Variants in ARMC3 observed in about 807,000 individuals in gnomAD.
The protein encoded by ARMC3 is armadillo repeat-containing protein 3.
ARMC3 carries 74 observed loss-of-function variants against 90.3 expected under a neutral mutation model. That is an observed-to-expected ratio of 0.82 (90% CI 0.68 to 0.99). The LOEUF is 0.99. Among genes scored for constraint, ARMC3 ranks in the 50% least tolerant of loss-of-function variants. The pLI is 0.00. For missense variants in ARMC3, 958 were observed against 1,042.8 expected, an observed-to-expected ratio of 0.92 and a Z score of 1.12; for synonymous variants, 334 against 361.8, an observed-to-expected ratio of 0.92 and a Z score of 0.87.
intron 8 of ARMC3, among the ~76,000 whole-genome samples, chr10:22,975,151 A>G (rs1835863194): frequency 1.3e-5 from 2 of 152,204 alleles, no homozygotes; most frequent in Admixed American, 6.5e-5. Flanking sequence ...TCCAATAGTG[A>G]TATGCTTTGA....
intron 2 of ARMC3, among the ~76,000 whole-genome samples, chr10:22,945,171 T>C (rs554650386): frequency 1.4e-4 from 22 of 152,358 alleles, no homozygotes; most frequent in Admixed American, 3.9e-4. Context: ...TCATGTTTCC[T>C]TGGAGTAATC....
At chr10:22,956,842 C>A (rs1355236407) in intron 4 of ARMC3, among the ~76,000 whole-genome samples, 3 of 148,860 alleles carry the variant, frequency 2.0e-5, no homozygotes. Flanking sequence ...GTATTAGTAT[C>A]ATATAATATG....
intron 7 of ARMC3, among the ~76,000 whole-genome samples, chr10:22,965,110 A>G (rs1014471011): frequency 5.3e-5 from 8 of 152,272 alleles, no homozygotes; most frequent in Admixed American, 3.9e-4. Flanking sequence ...ATCTATCAAT[A>G]TTTAGTATTT....
intron 3 of ARMC3, among the ~76,000 whole-genome samples, chr10:22,948,104 A>G (rs1459768748): frequency 6.6e-6 from 1 of 152,220 alleles, no homozygotes; most frequent in Non-Finnish European, 1.5e-5. Context: ...TGAGAGAACA[A>G]CAAATCATTC....
intron 15 of ARMC3, 108 bp downstream of exon 15, chr10:23,008,482 T>C (rs1837744294): frequency 8.6e-6 from 6 of 694,882 alleles, no homozygotes; most frequent in South Asian, 5.2e-5. Flanking sequence ...ATTCTTCTTA[T>C]GGTAATACAA....
chr10:22,964,737 G>A (rs559781101), intron 7 of ARMC3, among the ~76,000 whole-genome samples: 3 of 151,028 alleles, frequency 2.0e-5, no homozygotes, highest in South Asian at 2.1e-4. Flanking sequence ...CACTGCACCC[G>A]GCCCCCCGTA....
At chr10:22,964,663 A>G (rs1162122686) in intron 7 of ARMC3, among the ~76,000 whole-genome samples, 5 of 147,730 alleles carry the variant, frequency 3.4e-5, no homozygotes, top group Admixed American at 6.7e-5. Context: ...CTAGTCTCGA[A>G]CTCCTGACCT....
At chr10:22,937,194 C>T (rs926235533) in intron 2 of ARMC3, among the ~76,000 whole-genome samples, 2 of 152,190 alleles carry the variant, frequency 1.3e-5, no homozygotes, top group African/African-American at 4.8e-5. Flanking sequence ...TGACTCACTG[C>T]ACCTGGTCTT....
At chr10:22,967,598 A>G (rs1835496931) in intron 7 of ARMC3, among the ~76,000 whole-genome samples, 2 of 152,150 alleles carry the variant, frequency 1.3e-5, no homozygotes, top group Non-Finnish European at 2.9e-5. Flanking sequence ...ATTCTGGACA[A>G]CCTTGCCAAA....
Position 23,037,377 on chromosome 10 carries a change from G to A in ARMC3, c.2517G>A (p.Gly839=). ...ATGACTCTCGGAAGGGAGTGATTGG[G>A]GGCCTCCCCGCTCCTGAGATGTACG... is the stretch of plus-strand genomic sequence containing the variant. ...LQNDSRKGVI[G]GLPAPEMYVI... The change falls in exon 19 of 19, where the codon GGG becomes GGA. Residue 839 remains glycine (G), a synonymous_variant. Transcript: ENST00000298032. The A allele has an allele frequency of 6.2e-7, 1 of 1,613,956 alleles. No individual in the cohort carries two copies. Among genetic ancestry groups the A allele is most frequent in the Non-Finnish European group, 8.5e-7 (1 of 1,179,920 alleles).
At chr10:22,940,174 T>C (rs1834270501) in intron 2 of ARMC3, among the ~76,000 whole-genome samples, 1 of 152,218 alleles carries the variant, frequency 6.6e-6, no homozygotes, top group African/African-American at 2.4e-5. Flanking sequence ...ACAAAGAATA[T>C]TGCCTGAGAA....
At chr10:23,007,685 C>T (rs1421640090) in intron 14 of ARMC3, among the ~76,000 whole-genome samples, 22 of 114,524 alleles carry the variant, frequency 1.9e-4, no homozygotes, top group East Asian at 1.5e-3. Context: ...GGCAACAGAG[C>T]AAGACTCCGT....
rs1446526696 is a variant in ARMC3 at position 22,931,879 on chromosome 10, A to G, written c.-1-117A>G. The G allele has an allele frequency of 3.9e-6, 3 of 771,880 alleles. No individual in the cohort carries two copies. The East Asian group carries it at 7.9e-5, about 20-fold the overall frequency. The allele number at this position is 771,880 out of a possible 1,614,324, so 47.8% of individuals were successfully genotyped here. ...ATGTGATAATTTTTACATGTATTGC[A>G]TTGTGTTTTAGGAGGTAAAAATTTA... On this transcript the variant is annotated intron_variant, in intron 1 of 18. Coordinates refer to ENST00000298032, the MANE Select transcript of ARMC3 (RefSeq NM_173081.5).
chr10:23,037,361 G>A lies in ARMC3; in HGVS notation c.2501G>A (p.Arg834Gln), dbSNP rs74124524. The A allele has an allele frequency of 1.9e-3, 3,036 of 1,614,020 alleles. 46 individuals carry two copies. The African/African-American group carries it at 0.034, about 18-fold the overall frequency. ...GAAGTCATGCTGCAGAATGACTCTC[G>A]GAAGGGAGTGATTGGGGGCCTCCCC... ...WNEVMLQNDS[R>Q]KGVIGGLPAP... Residue 834 changes from arginine to glutamine, a missense_variant, in exon 19 of 19, where the codon CGG (arginine) becomes CAG (glutamine). Coordinates refer to ENST00000298032, the MANE Select transcript of ARMC3 (RefSeq NM_173081.5).
intron 3 of ARMC3, among the ~76,000 whole-genome samples, chr10:22,952,056 T>G (rs917487069): frequency 2.6e-5 from 4 of 151,776 alleles, no homozygotes; most frequent in Non-Finnish European, 5.9e-5. Context: ...ACCAGGGAGG[T>G]GGAGGTTGCA....
In ARMC3 at chr10:22,955,844, T is replaced by C; in HGVS notation, c.204T>C (p.Ala68=). ...ENKTTLLELG[A]VEPLTKLLTH... ...AAACAACCCTCCTTGAACTTGGAGC[T>C]GTGGAACCTTTAACTAAGCTACTCA... Residue 68 remains alanine (A), a synonymous_variant, in exon 4 of 19, where the codon GCT becomes GCC. Coordinates refer to ENST00000298032, the MANE Select transcript of ARMC3 (RefSeq NM_173081.5). 6.2e-7 allele frequency: 1 copy of C among 1,614,124 alleles called. No homozygotes were observed. The highest frequency in any genetic ancestry group is 8.5e-7 in the Non-Finnish European group (1 of 1,179,976).
chr10:23,006,854 C>G, intron 13 of ARMC3, 30 bp from the exon 14 acceptor site: 1 of 1,596,870 alleles, frequency 6.3e-7, no homozygotes, highest in South Asian at 1.1e-5. Context: ...CCTGCAGATA[C>G]TACTTTTTGG....
intron 8 of ARMC3, among the ~76,000 whole-genome samples, chr10:22,980,314 T>A (rs1434292142): frequency 6.6e-6 from 1 of 152,142 alleles, no homozygotes; most frequent in Non-Finnish European, 1.5e-5. Flanking sequence ...TTTATAAACT[T>A]TACAAAGGGT....
intron 8 of ARMC3, among the ~76,000 whole-genome samples, chr10:22,973,428 A>T (rs1835761188): frequency 6.6e-6 from 1 of 151,070 alleles, no homozygotes; most frequent in Non-Finnish European, 1.5e-5. Flanking sequence ...ATCTATTTGT[A>T]CAAGTGTTCT....
Sources: allele counts gnomAD v4.1 joint callset (sites outside exome capture counted in the v4.1 genomes callset), GRCh38; gene constraint gnomAD v4.1.1; transcripts MANE v1.5; gene names NCBI Gene and HGNC (gene_info 2026-07-23, HGNC 2026-07-21).